Variants in FAM171A1 observed in about 807,000 individuals in gnomAD.
FAM171A1 encodes family with sequence similarity 171 member A1, also known as protein FAM171A1.
Under a neutral mutation model 74.9 loss-of-function variants are expected in FAM171A1, and 23 were observed. That is an observed-to-expected ratio of 0.31 (90% CI 0.22 to 0.44). The LOEUF (loss-of-function observed/expected upper bound fraction) is 0.44, where lower values mean the gene tolerates loss of function less well. FAM171A1 is among the 20% of genes least tolerant of loss of function. The pLI, the probability that FAM171A1 is intolerant of heterozygous loss-of-function variation, is 1.00. For synonymous variants in FAM171A1, 527 were observed against 505.7 expected, an observed-to-expected ratio of 1.04 and a Z score of -0.57; for missense variants, 1,162 against 1,159.2, an observed-to-expected ratio of 1.00 and a Z score of -0.03.
chr10:15,308,408 A>G (rs1184915602), intron 1 of FAM171A1, among the ~76,000 whole-genome samples: 1 of 152,236 alleles, frequency 6.6e-6, no homozygotes, highest in African/African-American at 2.4e-5. Context: ...TTTCAAAAGC[A>G]GAAAGTTTTT....
At chr10:15,276,541 T>C (rs6602830) in intron 2 of FAM171A1, among the ~76,000 whole-genome samples, 37,641 of 152,162 alleles carry the variant, frequency 0.25, 5,012 homozygotes, top group Admixed American at 0.39. Context: ...TTATCATGTA[T>C]ACACTACATG....
At chr10:15,339,008 G>A (rs1369496759) in intron 1 of FAM171A1, among the ~76,000 whole-genome samples, 5 of 152,142 alleles carry the variant, frequency 3.3e-5, no homozygotes, top group Admixed American at 3.3e-4. Context: ...CGAAGTGTTG[G>A]GATTATAGGC....
At chr10:15,245,398 T>C (rs1834419705) in intron 5 of FAM171A1, among the ~76,000 whole-genome samples, 1 of 152,134 alleles carries the variant, frequency 6.6e-6, no homozygotes, top group Admixed American at 6.5e-5. Flanking sequence ...AGCAGATCAC[T>C]CTCCACAGTG....
At position 15,268,480 on chromosome 10, in the gene FAM171A1, T is replaced by A. The variant is rs374054055; in HGVS notation, c.418+7375A>T. ...GCCTGAGTTTATAGTGGTATCAACT[T>A]AGGTAGACGTTTATACCATTGATCA... On this transcript the variant is annotated intron_variant, in intron 3 of 7. Coordinates refer to ENST00000378116, the MANE Select transcript of FAM171A1 (RefSeq NM_001010924.2). 3.0e-3 allele frequency among the ~76,000 whole-genome samples: 456 copies of A among 152,146 alleles called. 4 individuals carry two copies. The highest frequency in any genetic ancestry group is 0.01 in the African/African-American group (433 of 41,516).
At chr10:15,370,047 A>C (rs1481211274) in intron 1 of FAM171A1, among the ~76,000 whole-genome samples, 1 of 152,236 alleles carries the variant, frequency 6.6e-6, no homozygotes, top group East Asian at 1.9e-4. Flanking sequence ...CCCCACAAAA[A>C]TGTGCCAAGC....
Position 15,216,002 on chromosome 10 carries a change from T to C in FAM171A1, c.980A>G (p.Tyr327Cys), listed in dbSNP as rs144702270. ...LLVLLCLLLY[Y>C]CRRKCLKPRQ... ...CAAAATGGTAACACTTTACCTGCAA[T>C]AATATAAAAGGAGACACAGCAAAAC... The change falls in exon 7 of 8, where the codon TAT becomes TGT. Residue 327 changes from tyrosine (Y) to cysteine (C), a missense_variant. Transcript: ENST00000378116. 3.3e-5 allele frequency: 53 copies of C among 1,593,414 alleles called. No homozygotes were observed. In the African/African-American group the frequency reaches 6.5e-4, roughly 20 times the overall value.
At chr10:15,255,588 A>G (rs193237990) in intron 3 of FAM171A1, among the ~76,000 whole-genome samples, 3 of 152,194 alleles carry the variant, frequency 2.0e-5, no homozygotes, top group Admixed American at 2.0e-4. Flanking sequence ...GACAGGCCCT[A>G]GACAGTTGGT....
chr10:15,252,349 C>A (rs960289916), intron 4 of FAM171A1, among the ~76,000 whole-genome samples: 1 of 152,222 alleles, frequency 6.6e-6, no homozygotes, highest in Admixed American at 6.5e-5. Flanking sequence ...TCTTCCGCAG[C>A]CTCTCTGTTT....
At chr10:15,225,571 T>C (rs1834094571) in intron 5 of FAM171A1, among the ~76,000 whole-genome samples, 1 of 152,194 alleles carries the variant, frequency 6.6e-6, no homozygotes, top group Non-Finnish European at 1.5e-5. Flanking sequence ...GATGCCACTG[T>C]GGGATGCAGA....
chr10:15,326,008 C>A (rs779927186), intron 1 of FAM171A1, among the ~76,000 whole-genome samples: 1 of 152,190 alleles, frequency 6.6e-6, no homozygotes, highest in Non-Finnish European at 1.5e-5. Context: ...ATTGTAAATA[C>A]CCCAAGGAGG....
rs1224642604 is a variant in FAM171A1 at position 15,284,002 on chromosome 10, G to A, written c.201C>T (p.Thr67=). Reference sequence around the variant, plus strand: ...TAAAGGCGACGCCATCAGTCCCCGAGGTGCCAGAGGCTATGGAGGCCTGGT... The same window carrying A: ...TAAAGGCGACGCCATCAGTCCCCGAAGTGCCAGAGGCTATGGAGGCCTGGT... ...FTNQASIASG[T]SGTDGVAFIK... The change falls in exon 2 of 8, where the codon ACC becomes ACT. Residue 67 remains threonine, a synonymous_variant. Coordinates refer to ENST00000378116, the MANE Select transcript of FAM171A1 (RefSeq NM_001010924.2). 1.2e-6 allele frequency: 2 copies of A among 1,614,212 alleles called. No homozygotes were observed. Among genetic ancestry groups the A allele is most frequent in the South Asian group, 1.1e-5 (1 of 91,080 alleles).
intron 1 of FAM171A1, among the ~76,000 whole-genome samples, chr10:15,370,245 T>C (rs560844851): frequency 1.0e-3 from 156 of 149,540 alleles, no homozygotes; most frequent in South Asian, 3.8e-3. Context: ...TTTTTCTTTT[T>C]TTTTTTTTTT....
At chr10:15,250,639 A>T (rs1208843601) in intron 4 of FAM171A1, among the ~76,000 whole-genome samples, 2 of 152,216 alleles carry the variant, frequency 1.3e-5, no homozygotes, top group Non-Finnish European at 2.9e-5. Flanking sequence ...GCATGCCTAC[A>T]GTTCCAGCTA....
At chr10:15,266,731 T>C (rs555035591) in intron 3 of FAM171A1, among the ~76,000 whole-genome samples, 87 of 151,628 alleles carry the variant, frequency 5.7e-4, no homozygotes, top group South Asian at 2.3e-3. Context: ...CATTTGGGCA[T>C]TGTGGTATGT....
At chr10:15,312,257 T>C (rs893028003) in intron 1 of FAM171A1, among the ~76,000 whole-genome samples, 17 of 152,298 alleles carry the variant, frequency 1.1e-4, no homozygotes, top group African/African-American at 3.6e-4. Context: ...ATATGCTTCA[T>C]AAACAAAGCA....
At chr10:15,267,832 G>C (rs533812269) in intron 3 of FAM171A1, among the ~76,000 whole-genome samples, 1 of 151,402 alleles carries the variant, frequency 6.6e-6, no homozygotes, top group Admixed American at 6.6e-5. Context: ...CACGACGGAC[G>C]AAGTGTGGTG....
intron 1 of FAM171A1, among the ~76,000 whole-genome samples, chr10:15,356,155 G>C: frequency 6.6e-6 from 1 of 151,710 alleles, no homozygotes; most frequent in East Asian, 1.9e-4. Context: ...GCCATTTATA[G>C]CTGGAAAGTA....
chr10:15,235,397 A>G (rs558643362), intron 5 of FAM171A1, among the ~76,000 whole-genome samples: 3 of 151,804 alleles, frequency 2.0e-5, no homozygotes, highest in South Asian at 4.2e-4. Flanking sequence ...TCCTGCCTCA[A>G]TATTACTGAA....
At chr10:15,243,033 C>T (rs1459574552) in intron 5 of FAM171A1, among the ~76,000 whole-genome samples, 3 of 152,154 alleles carry the variant, frequency 2.0e-5, no homozygotes, top group African/African-American at 4.8e-5. Flanking sequence ...TCTTATACTC[C>T]TGGAGGTCAG....
Sources: allele counts gnomAD v4.1 joint callset (sites outside exome capture counted in the v4.1 genomes callset), GRCh38; gene constraint gnomAD v4.1.1; transcripts MANE v1.5; gene names NCBI Gene and HGNC (gene_info 2026-07-23, HGNC 2026-07-21).